The following CLIC4 variants were observed in gnomAD, a reference collection of about 807,000 sequenced individuals.
CLIC4 encodes the protein chloride intracellular channel protein 4.
Under a neutral mutation model 24.6 loss-of-function variants are expected in CLIC4, and 13 were observed. That is an observed-to-expected ratio of 0.53 (90% CI 0.34 to 0.84). The LOEUF is 0.84. CLIC4 is among the 40% of genes least tolerant of loss of function. CLIC4 has a pLI of 0.01. For synonymous variants in CLIC4, 104 were observed against 111.3 expected (o/e 0.93, Z 0.41); for missense variants, 227 against 301.7 (o/e 0.75, Z 1.83).
chr1:24,748,048 G>C (rs1490822782), intron 1 of CLIC4, among the ~76,000 whole-genome samples: 2 of 151,290 alleles, frequency 1.3e-5, no homozygotes, highest in Admixed American at 1.3e-4. Context: ...AAAAGATAAA[G>C]CTATTATCAG....
chr1:24,792,458 T>C (rs900120410), intron 1 of CLIC4, among the ~76,000 whole-genome samples: 6 of 152,178 alleles, frequency 3.9e-5, no homozygotes, highest in African/African-American at 7.2e-5. Flanking sequence ...TTCCAAAGTG[T>C]TGGGATTACG....
intron 2 of CLIC4, 69 bp from the exon 3 acceptor site, chr1:24,814,025 G>T: frequency 6.3e-7 from 1 of 1,595,790 alleles, no homozygotes; most frequent in Non-Finnish European, 8.6e-7. Context: ...CCAACTTTGA[G>T]AATTTAAAGT....
intron 1 of CLIC4, among the ~76,000 whole-genome samples, chr1:24,748,842 T>C (rs914969795): frequency 6.6e-6 from 1 of 151,888 alleles, no homozygotes; most frequent in African/African-American, 2.4e-5. Context: ...ACAGGTAAAA[T>C]GTGGTAAAGG....
chr1:24,828,803 TC>T (rs1163935655), intron 4 of CLIC4, among the ~76,000 whole-genome samples: 2 of 152,204 alleles, frequency 1.3e-5, no homozygotes, highest in Non-Finnish European at 2.9e-5. Flanking sequence ...CACCTACTCT[TC>T]CTGTCCTCAG....
intron 1 of CLIC4, among the ~76,000 whole-genome samples, chr1:24,754,455 T>TG (rs1291765775): frequency 1.3e-5 from 2 of 152,104 alleles, no homozygotes; most frequent in East Asian, 3.9e-4. Flanking sequence ...AGTAGGGAAT[T>TG]GTGAGTCCAT....
intron 1 of CLIC4, among the ~76,000 whole-genome samples, chr1:24,777,251 A>G (rs1407704783): frequency 6.6e-6 from 1 of 152,200 alleles, no homozygotes; most frequent in Non-Finnish European, 1.5e-5. Context: ...TGAAATAGGA[A>G]TAAATGGTTT....
At chr1:24,747,029 C>G (rs1055733926) in intron 1 of CLIC4, among the ~76,000 whole-genome samples, 1 of 151,112 alleles carries the variant, frequency 6.6e-6, no homozygotes, top group Admixed American at 6.6e-5. Flanking sequence ...GCATTTACCT[C>G]TGCAGTCTTC....
At chr1:24,768,630 C>T (rs1006770055) in intron 1 of CLIC4, among the ~76,000 whole-genome samples, 1 of 151,990 alleles carries the variant, frequency 6.6e-6, no homozygotes, top group Middle Eastern at 3.2e-3. Flanking sequence ...ATTAACATGT[C>T]GGCCGGGTGC....
intron 2 of CLIC4, among the ~76,000 whole-genome samples, chr1:24,811,249 T>C (rs1252713634): frequency 2.6e-5 from 4 of 152,216 alleles, no homozygotes; most frequent in Admixed American, 1.3e-4. Context: ...AAGAGGTTTC[T>C]CGTGTCTGCT....
intron 4 of CLIC4, among the ~76,000 whole-genome samples, chr1:24,835,981 A>G (rs551906143): frequency 8.5e-5 from 13 of 152,358 alleles, no homozygotes; most frequent in African/African-American, 2.2e-4. Flanking sequence ...CTATCTGTCT[A>G]TCTATGAAAC....
At chr1:24,756,470 T>C (rs1638851279) in intron 1 of CLIC4, among the ~76,000 whole-genome samples, 1 of 152,186 alleles carries the variant, frequency 6.6e-6, no homozygotes, top group Admixed American at 6.5e-5. Flanking sequence ...GTATGACAGG[T>C]TTTCTTTCTC....
intron 2 of CLIC4, among the ~76,000 whole-genome samples, chr1:24,798,142 T>C (rs927470496): frequency 3.4e-4 from 51 of 152,178 alleles, no homozygotes; most frequent in Non-Finnish European, 5.4e-4. Flanking sequence ...ACTTCTTTTT[T>C]CCAGTGTAAA....
chr1:24,785,809 C>T lies in CLIC4; in HGVS notation c.73-11933C>T, dbSNP rs190141087. ...AGAGGTTGCACTGAGCTGCTGAGAT[C>T]GTGCCATTTCACTCCAGCCTGGGTG... On this transcript the variant is annotated intron_variant, in intron 1 of 5. Coordinates refer to ENST00000374379, the MANE Select transcript of CLIC4 (RefSeq NM_013943.3). 1.6e-3 allele frequency among the ~76,000 whole-genome samples: 201 copies of T among 128,902 alleles called. 1 individual carries two copies. The highest frequency in any genetic ancestry group is 5.0e-3 in the Middle Eastern group (1 of 200). The allele number at this position is 128,902 out of a possible 152,430, so 84.6% of individuals were successfully genotyped here.
intron 2 of CLIC4, among the ~76,000 whole-genome samples, chr1:24,802,715 T>C (rs1389409211): frequency 1.3e-5 from 2 of 150,140 alleles, no homozygotes; most frequent in Non-Finnish European, 3.0e-5. Context: ...CTTTTTCTTT[T>C]TTTTTTTTTT....
At chr1:24,801,783 A>G (rs1163320831) in intron 2 of CLIC4, among the ~76,000 whole-genome samples, 1 of 152,230 alleles carries the variant, frequency 6.6e-6, no homozygotes, top group Non-Finnish European at 1.5e-5. Context: ...AATTTTACAG[A>G]CTTTAAAATT....
chr1:24,773,132 A>G (rs529458016), intron 1 of CLIC4, among the ~76,000 whole-genome samples: 77 of 152,270 alleles, frequency 5.1e-4, no homozygotes, highest in Non-Finnish European at 1.1e-3. Context: ...CTTAAACTGT[A>G]ATCTCTCTTT....
intron 1 of CLIC4, among the ~76,000 whole-genome samples, chr1:24,769,639 T>C (rs1182551040): frequency 2.6e-5 from 4 of 152,140 alleles, no homozygotes; most frequent in Non-Finnish European, 4.4e-5. Flanking sequence ...AAAAAAAAAT[T>C]CTGAGAATAT....
chr1:24,820,911 C>T (rs369625660), intron 3 of CLIC4, among the ~76,000 whole-genome samples: 15 of 152,210 alleles, frequency 9.9e-5, no homozygotes, highest in South Asian at 2.1e-4. Context: ...GGGCTGGGCG[C>T]GGTGGCTCAT....
intron 2 of CLIC4, among the ~76,000 whole-genome samples, chr1:24,810,911 C>T (rs1360845665): frequency 1.3e-5 from 2 of 151,420 alleles, no homozygotes; most frequent in South Asian, 2.1e-4. Context: ...AACCCTGTCT[C>T]TACTAAAAAA....
Sources: gnomAD v4.1 joint callset for allele counts (sites outside exome capture counted in the v4.1 genomes callset) on GRCh38, gnomAD v4.1.1 for gene constraint, MANE v1.5 for transcripts, NCBI Gene and HGNC (gene_info 2026-07-23, HGNC 2026-07-21) for gene names.